BRMS1L: variants seen among roughly 807,000 people sequenced by gnomAD.
The protein encoded by BRMS1L is BRMS1 like transcriptional repressor.
In BRMS1L, 23 loss-of-function variants were observed where a neutral mutation model predicts 50.3. The ratio of observed to expected loss-of-function variants is 0.46; its 90% CI spans 0.33 to 0.65. The LOEUF (loss-of-function observed/expected upper bound fraction) is 0.65. Among genes scored for constraint, BRMS1L ranks in the 30% least tolerant of loss-of-function variants. BRMS1L has a pLI of 0.02. For missense variants in BRMS1L, 286 were observed against 386.1 expected (o/e 0.74, Z 2.17); for synonymous variants, 114 against 126.9 (o/e 0.90, Z 0.69).
chr14:35,851,589 A>G (rs1248955138), intron 4 of BRMS1L, among the ~76,000 whole-genome samples: 1 of 152,220 alleles, frequency 6.6e-6, no homozygotes, highest in Non-Finnish European at 1.5e-5. Flanking sequence ...ATTCCTTGGC[A>G]TGTGGTTTTA....
intron 4 of BRMS1L, among the ~76,000 whole-genome samples, chr14:35,852,072 T>C (rs538322598): frequency 6.6e-6 from 1 of 152,356 alleles, no homozygotes; most frequent in East Asian, 1.9e-4. Context: ...TGGTTCCAGC[T>C]TTCTCTTGCT....
intron 5 of BRMS1L, 88 bp from the exon 6 acceptor site, chr14:35,863,782 A>C: frequency 8.4e-7 from 1 of 1,196,754 alleles, no homozygotes; most frequent in Non-Finnish European, 1.2e-6. Flanking sequence ...TTTTACATGT[A>C]ACTAAATAGC....
chr14:35,864,807 A>G (rs2078400017), intron 6 of BRMS1L, 128 bp from the exon 7 acceptor site: 7 of 676,762 alleles, frequency 1.0e-5, no homozygotes, highest in African/African-American at 1.9e-5. Flanking sequence ...GAATAATTTG[A>G]AGTCAGAATT....
At chr14:35,864,737 C>T (rs537898846) in intron 6 of BRMS1L, among the ~76,000 whole-genome samples, 198 bp from the exon 7 acceptor site, 22 of 152,200 alleles carry the variant, frequency 1.4e-4, no homozygotes, top group Admixed American at 2.6e-4. Context: ...GAATTAAGGG[C>T]ATGTAGTTAT....
At chr14:35,831,686 G>C (rs1012549089) in intron 2 of BRMS1L, among the ~76,000 whole-genome samples, 186 bp downstream of exon 2, 6 of 152,204 alleles carry the variant, frequency 3.9e-5, no homozygotes, top group African/African-American at 1.4e-4. Flanking sequence ...TTTGGAGGCA[G>C]GGTTTTTTTG....
At position 35,871,409 on chromosome 14, in the gene BRMS1L, T is replaced by G. The variant is rs2078490200; in HGVS notation, c.*932T>G. On this transcript the variant is annotated 3_prime_UTR_variant, in exon 10 of 10. Transcript: ENST00000216807. ...AATCTATTTCCAAATTAATATTTTT[T>G]TCTTTGGTATTTCTACACTTTAAGG... 2 of 152,688 alleles carry G rather than the reference T, an allele frequency of 1.3e-5. No individual in the cohort carries two copies. Among genetic ancestry groups the G allele is most frequent in the South Asian group, 4.1e-4 (2 of 4,836 alleles). 9.5% of individuals were successfully genotyped at this position (152,688 alleles called of 1,614,324 possible).
chr14:35,863,893 T>G lies in BRMS1L; in HGVS notation c.562T>G (p.Ser188Ala). Reference protein sequence around the residue: ...TSELWNDELQSRKKRKDPFSP... With the variant: ...TSELWNDELQARKKRKDPFSP... Reference sequence around the variant, plus strand: ...AGAGCTGTGGAATGATGAGCTTCAGTCAAGAAAAAAGAGGAAGGATCCTTT... The same window carrying G: ...AGAGCTGTGGAATGATGAGCTTCAGGCAAGAAAAAAGAGGAAGGATCCTTT... The change falls in exon 6 of 10, where the codon TCA becomes GCA. Residue 188 changes from serine (S) to alanine (A), a missense_variant. This residue lies in a region of BRMS1L where 160 missense variants were observed against 240.6 expected (regional missense o/e 0.66). Transcript: ENST00000216807. The G allele has an allele frequency of 6.2e-7, 1 of 1,613,910 alleles. No homozygotes were observed. Among genetic ancestry groups the G allele is most frequent in the Non-Finnish European group, 8.5e-7 (1 of 1,179,894 alleles).
intron 4 of BRMS1L, chr14:35,858,616 G>A (rs950561156): frequency 1.3e-5 from 2 of 152,214 alleles, no homozygotes; most frequent in African/African-American, 4.8e-5. Flanking sequence ...TAGCTGGATG[G>A]TTCTGGCTCA....
Position 35,871,803 on chromosome 14 carries a change from A to G in BRMS1L, c.*1326A>G, listed in dbSNP as rs982912335. ...GCTGAAATTCAGTGTCAGCAAAGTG[A>G]TATTACGTTGTTCTGTTTCTAATTA... On this transcript the variant is annotated 3_prime_UTR_variant, in exon 10 of 10. Coordinates refer to ENST00000216807, the MANE Select transcript of BRMS1L (RefSeq NM_032352.4). 6.5e-6 allele frequency: 1 copy of G among 152,684 alleles called. No individual in the cohort carries two copies. Among genetic ancestry groups the G allele is most frequent in the Non-Finnish European group, 1.5e-5 (1 of 68,050 alleles). The allele number at this position is 152,684 out of a possible 1,614,324, so 9.5% of individuals were successfully genotyped here.
At position 35,834,899 on chromosome 14, in the gene BRMS1L, T is replaced by G. The variant is rs138114776; in HGVS notation, c.417T>G (p.Ile139Met). 1.5e-4 allele frequency: 242 copies of G among 1,597,406 alleles called. No individual in the cohort carries two copies. In the African/African-American group the frequency reaches 2.8e-3, roughly 18 times the overall value. The change falls in exon 4 of 10, where the codon ATT becomes ATG. Residue 139 changes from isoleucine to methionine, a missense_variant. Ile to Met is a conservative substitution (Grantham distance 10). Transcript: ENST00000216807. The part of the protein sequence containing the change: ...ESVKNKYECE[I>M]QASRQHCESE... ...TAAAGAACAAATATGAATGTGAAAT[T>G]CAAGCTTCTCGCCAGCATTGTGAGG...
rs754231571 is a variant in BRMS1L, at chr14:35,833,066, A to G, written c.322A>G (p.Thr108Ala). The change falls in exon 3 of 10, where the codon ACT becomes GCT. Residue 108 changes from threonine (T) to alanine (A), a missense_variant. Thr to Ala is a moderately conservative substitution (Grantham distance 58). Coordinates refer to ENST00000216807, the MANE Select transcript of BRMS1L (RefSeq NM_032352.4). ...ACCAGAATACTTGGAACCGCTGGCA[A>G]CTTTACAGGAAAATATGCAAATTCG... ...KAPEYLEPLATLQENMQIRTK... is the reference protein window; with the variant it reads ...KAPEYLEPLAALQENMQIRTK... 2.0e-5 allele frequency: 32 copies of G among 1,613,296 alleles called. No individual in the cohort carries two copies. Among genetic ancestry groups the G allele is most frequent in the Non-Finnish European group, 2.5e-5 (30 of 1,179,602 alleles).
Position 35,865,703 on chromosome 14 carries a change from T to TG in BRMS1L, c.688-19_688-18insG, listed in dbSNP as rs1433482562. ...AACTCAGACTTCTTTCTTCCTCTTT[T>TG]TTTTTTTTTTTAATTAAGGCAATGG... On this transcript the variant is annotated intron_variant, in intron 7 of 9. Transcript: ENST00000216807. 6.5e-7 allele frequency: 1 copy of TG among 1,544,456 alleles called. No individual in the cohort carries two copies. The highest frequency in any genetic ancestry group is 1.4e-5 in the African/African-American group (1 of 71,454).
At chr14:35,851,803 A>G (rs1463739784) in intron 4 of BRMS1L, among the ~76,000 whole-genome samples, 1 of 152,230 alleles carries the variant, frequency 6.6e-6, no homozygotes. Context: ...TCTTCCAGGC[A>G]TACATCTGAA....
chr14:35,860,908 C>CCT (rs1321151321), intron 4 of BRMS1L, among the ~76,000 whole-genome samples: 1 of 152,166 alleles, frequency 6.6e-6, no homozygotes, highest in Non-Finnish European at 1.5e-5. Context: ...TGAGACCAAA[C>CCT]CTATACTTAT....
intron 4 of BRMS1L, 82 bp from the exon 5 acceptor site, chr14:35,862,508 T>A: frequency 1.4e-6 from 1 of 716,016 alleles, no homozygotes; most frequent in Non-Finnish European, 2.1e-6. Flanking sequence ...TATATTAAAG[T>A]ACTTTAAGTT....
chr14:35,840,975 C>T (rs549365427), intron 4 of BRMS1L, among the ~76,000 whole-genome samples: 90 of 152,244 alleles, frequency 5.9e-4, no homozygotes, highest in Admixed American at 1.4e-3. Context: ...CCCGTTTTCT[C>T]CTGTGGGCAT....
intron 8 of BRMS1L, among the ~76,000 whole-genome samples, chr14:35,866,396 G>A (rs1258515883): frequency 6.6e-6 from 1 of 152,146 alleles, no homozygotes; most frequent in East Asian, 1.9e-4. Context: ...TTAAGTAATC[G>A]ATAAGAGACC....
intron 1 of BRMS1L, among the ~76,000 whole-genome samples, chr14:35,827,580 G>A (rs1452528363): frequency 6.6e-6 from 1 of 152,156 alleles, no homozygotes; most frequent in Admixed American, 6.5e-5. Flanking sequence ...CTCCATGGAA[G>A]GATATAATTT....
chr14:35,829,900 C>G (rs910478855), intron 1 of BRMS1L: 21 of 1,113,276 alleles, frequency 1.9e-5, no homozygotes, highest in Admixed American at 4.7e-5. Context: ...GACTATAGGA[C>G]AGACCTGGTA....
Sources: gnomAD v4.1 joint callset for allele counts (sites outside exome capture counted in the v4.1 genomes callset) on GRCh38, gnomAD v4.1.1 for gene constraint, gnomAD v4.1.1 regional missense constraint, MANE v1.5 for transcripts, NCBI Gene and HGNC (gene_info 2026-07-23, HGNC 2026-07-21) for gene names.